MAT2B: variants seen among roughly 807,000 people sequenced by gnomAD.
MAT2B encodes the protein methionine adenosyltransferase 2 subunit beta.
MAT2B carries 16 observed loss-of-function variants against 36.1 expected under a neutral mutation model. The observed-to-expected ratio is 0.44, with a 90% CI of 0.30 to 0.67. The LOEUF (loss-of-function observed/expected upper bound fraction) is 0.67. Ranked by LOEUF, MAT2B falls within the 30% of genes least tolerant of loss-of-function variation. The probability of loss-of-function intolerance (pLI) is 0.09; values close to 1 mark genes in which losing one functional copy is unlikely to be tolerated. For missense variants in MAT2B, 332 were observed against 398.2 expected, an observed-to-expected ratio of 0.83 and a Z score of 1.42; for synonymous variants, 148 against 136.9, an observed-to-expected ratio of 1.08 and a Z score of -0.57.
chr5:163,503,414 A>G, upstream of MAT2B: 1 of 1,614,026 alleles, frequency 6.2e-7, no homozygotes, highest in South Asian at 1.1e-5. Context: ...ATGCCAGAGG[A>G]CATGGAGCAG....
upstream of MAT2B, among the ~76,000 whole-genome samples, chr5:163,504,663 A>G (rs1255495655): frequency 6.6e-6 from 1 of 152,238 alleles, no homozygotes; most frequent in Non-Finnish European, 1.5e-5. Context: ...GGCCTGTGCC[A>G]GGGTTTACTT....
At chr5:163,503,422 C>T, upstream of MAT2B, 1 of 1,613,720 alleles carries the variant, frequency 6.2e-7, no homozygotes, top group Non-Finnish European at 8.5e-7. Flanking sequence ...GGACATGGAG[C>T]AGGTAAGAAC....
chr5:163,507,866 A>G (rs1394613093), intron 1 of MAT2B, among the ~76,000 whole-genome samples: 1 of 152,246 alleles, frequency 6.6e-6, no homozygotes, highest in Non-Finnish European at 1.5e-5. Context: ...TACCTTATTT[A>G]AGTAAACGAA....
At chr5:163,510,566 T>C (rs1233865954) in intron 1 of MAT2B, among the ~76,000 whole-genome samples, 3 of 151,914 alleles carry the variant, frequency 2.0e-5, no homozygotes, top group African/African-American at 7.3e-5. Flanking sequence ...GGCTAATTTT[T>C]TTGTATTTTT....
rs543874089 is a variant in MAT2B at position 163,505,726 on chromosome 5, C to A, written c.40C>A (p.Pro14Thr). The A allele has an allele frequency of 2.1e-5, 27 of 1,283,964 alleles. No individual in the cohort carries two copies. In the South Asian group the frequency reaches 9.0e-4, roughly 43 times the overall value. 79.5% of individuals were successfully genotyped at this position (1,283,964 alleles called of 1,614,324 possible). Residue 14 changes from proline to threonine, a missense_variant, in exon 1 of 7, where the codon CCC (proline) becomes ACC (threonine). Physicochemically the swap from Pro to Thr is conservative, Grantham distance 38. Transcript: ENST00000321757. Reference sequence around the variant, plus strand: ...GAAAGAGCTCTCTATACACTTTGTTCCCGGGAGCTGTCGGCTGGTGGAGGT... The same window carrying A: ...GAAAGAGCTCTCTATACACTTTGTTACCGGGAGCTGTCGGCTGGTGGAGGT... ...REKELSIHFV[P>T]GSCRLVEEEV...
At chr5:163,503,541 C>T (rs1273526714), upstream of MAT2B, 24 of 946,046 alleles carry the variant, frequency 2.5e-5, no homozygotes, top group Middle Eastern at 4.3e-4. Context: ...AAACGGGTGT[C>T]ATTCATTTCC....
In MAT2B at chr5:163,513,607, A is replaced by C. The variant is rs1760083943; in HGVS notation, c.311A>C (p.Asn104Thr). 1 of 1,614,016 alleles carries C rather than the reference A, an allele frequency of 6.2e-7. No homozygotes were observed. Among genetic ancestry groups the C allele is most frequent in the Middle Eastern group, 1.7e-4 (1 of 6,056 alleles). ...GAGAGAAGACCAGATGTTGTAGAAAATCAGCCAGATGCTGCCTCTCAACTT... is the reference window on the plus strand; with the variant it reads ...GAGAGAAGACCAGATGTTGTAGAAACTCAGCCAGATGCTGCCTCTCAACTT... ...AAERRPDVVE[N>T]QPDAASQLNV... Residue 104 changes from asparagine to threonine, a missense_variant, in exon 3 of 7, where the codon AAT (asparagine) becomes ACT (threonine). Transcript: ENST00000321757.
intron 6 of MAT2B, 86 bp from the exon 7 acceptor site, chr5:163,518,106 AT>A: frequency 1.1e-6 from 1 of 906,598 alleles, no homozygotes. Context: ...ATATATACAT[AT>A]TTAAAAAAAG....
At position 163,518,677 on chromosome 5, in the gene MAT2B, T is replaced by C. The variant is rs1486205959; in HGVS notation, c.*314T>C. On this transcript the variant is annotated 3_prime_UTR_variant, in exon 7 of 7. Transcript: ENST00000321757. ...CTGCTGTAGACTTTTCAGATGAAAT[T>C]GTTCATTCTCGTAACCTCCATATTT... 2 of 183,384 alleles carry C rather than the reference T, an allele frequency of 1.1e-5. No individual in the cohort carries two copies. The highest frequency in any genetic ancestry group is 4.7e-5 in the African/African-American group (2 of 42,718). 11.4% of individuals were successfully genotyped at this position (183,384 alleles called of 1,614,324 possible).
rs1474589337 is a variant in MAT2B at position 163,512,121 on chromosome 5, A to G, written c.183A>G (p.Arg61=). 1.2e-6 allele frequency: 2 copies of G among 1,614,176 alleles called. No homozygotes were observed. The highest frequency in any genetic ancestry group is 2.7e-5 in the African/African-American group (2 of 75,048). The change falls in exon 2 of 7, where the codon AGA becomes AGG. Residue 61 remains arginine, a synonymous_variant. Coordinates refer to ENST00000321757, the MANE Select transcript of MAT2B (RefSeq NM_013283.5). ...GGCATGCAGTTGGCTGTGGTTTCAG[A>G]AGAGCAAGACCAAAATTTGAACAGG... The part of the protein sequence containing the change: ...NNWHAVGCGF[R]RARPKFEQVN...
chr5:163,505,152 CTT>C (rs1248552140), upstream of MAT2B, among the ~76,000 whole-genome samples: 1 of 151,992 alleles, frequency 6.6e-6, no homozygotes, highest in Non-Finnish European at 1.5e-5. Flanking sequence ...TATTCCTTGT[CTT>C]TTTCTAAATC....
In MAT2B at chr5:163,517,559, A is replaced by T; in HGVS notation, c.721-2A>T. 6.4e-7 allele frequency: 1 copy of T among 1,551,058 alleles called. No homozygotes were observed. The highest frequency in any genetic ancestry group is 8.9e-7 in the Non-Finnish European group (1 of 1,122,542). ...TTGAATTTATTGTGTCATCGTTCTT[A>T]GGATCCATCAATTAAGGGAACCTTT... On this transcript the variant is annotated splice_acceptor_variant, in intron 5 of 6. Coordinates refer to ENST00000321757, the MANE Select transcript of MAT2B (RefSeq NM_013283.5). LOFTEE classifies it high-confidence loss of function.
chr5:163,503,235 G>C, upstream of MAT2B: 4 of 645,970 alleles, frequency 6.2e-6, no homozygotes, highest in Non-Finnish European at 8.5e-6. Context: ...GAGATTCCGG[G>C]ATTGGAATCA....
In MAT2B at chr5:163,518,295, A is replaced by G; in HGVS notation, c.937A>G (p.Ile313Val). The G allele has an allele frequency of 6.2e-7, 1 of 1,614,020 alleles. No homozygotes were observed. Among genetic ancestry groups the G allele is most frequent in the Non-Finnish European group, 8.5e-7 (1 of 1,179,918 alleles). The change falls in exon 7 of 7, where the codon ATT (isoleucine) becomes GTT (valine). Residue 313 changes from isoleucine (I) to valine (V), a missense_variant. Ile to Val is a conservative substitution (Grantham distance 29, BLOSUM62 3). Coordinates refer to ENST00000321757, the MANE Select transcript of MAT2B (RefSeq NM_013283.5). ...LGIGQRTPFR[I>V]GIKESLWPFL... ...CATTGGCCAACGAACACCATTTCGA[A>G]TTGGAATCAAAGAATCACTTTGGCC...
At chr5:163,517,506 T>C in intron 5 of MAT2B, 55 bp from the exon 6 acceptor site, 1 of 1,071,412 alleles carries the variant, frequency 9.3e-7, no homozygotes, top group South Asian at 1.3e-5. Context: ...GTCAAACCTA[T>C]TCTACTCAGC....
chr5:163,509,007 C>A (rs1245436506), intron 1 of MAT2B, among the ~76,000 whole-genome samples: 7 of 152,048 alleles, frequency 4.6e-5, no homozygotes, highest in Non-Finnish European at 2.9e-5. Flanking sequence ...TCCTTTTTTA[C>A]GTTAAGGTAT....
chr5:163,514,373 TATATG>T (rs1301922072), intron 4 of MAT2B, among the ~76,000 whole-genome samples: 1 of 152,240 alleles, frequency 6.6e-6, no homozygotes, highest in Non-Finnish European at 1.5e-5. Context: ...TGTATTCTGT[TATATG>T]TATGTTGTAT....
intron 1 of MAT2B, among the ~76,000 whole-genome samples, chr5:163,511,591 T>C (rs1451188328): frequency 2.0e-5 from 3 of 152,024 alleles, no homozygotes; most frequent in Non-Finnish European, 4.4e-5. Context: ...CAAAAGCTTT[T>C]TCTTAAGTGA....
At chr5:163,507,486 C>G (rs547609348) in intron 1 of MAT2B, among the ~76,000 whole-genome samples, 4 of 152,208 alleles carry the variant, frequency 2.6e-5, no homozygotes, top group East Asian at 1.9e-4. Flanking sequence ...GAGGCAGATA[C>G]GTTTAGAGTA....
Sources: allele counts gnomAD v4.1 joint callset (sites outside exome capture counted in the v4.1 genomes callset), GRCh38; gene constraint gnomAD v4.1.1; transcripts MANE v1.5; gene names NCBI Gene and HGNC (gene_info 2026-07-23, HGNC 2026-07-21).